Variants in XKR9 observed in about 807,000 individuals in gnomAD.
XKR9 encodes XK related 9.
A neutral mutation model predicts 32.0 loss-of-function variants in XKR9; 32 were observed. The ratio of observed to expected loss-of-function variants is 1.00; its 90% confidence interval spans 0.76 to 1.34. XKR9 has a LOEUF of 1.34. Ranked by LOEUF, XKR9 falls within the 40% of genes most tolerant of loss-of-function variation. The pLI, the probability that XKR9 is intolerant of heterozygous loss-of-function variation, is 0.00. For missense variants in XKR9, 546 were observed against 429.7 expected, an observed-to-expected ratio of 1.27 and a Z score of -2.39; for synonymous variants, 168 against 143.4, an observed-to-expected ratio of 1.17 and a Z score of -1.22.
chr8:70,949,470 CTT>C, the XKR9 span, among the ~76,000 whole-genome samples: 2 of 151,434 alleles, frequency 1.3e-5, no homozygotes, highest in African/African-American at 4.8e-5. Context: ...TATATTAAAT[CTT>C]AATATAAATT....
the XKR9 span, among the ~76,000 whole-genome samples, chr8:71,022,424 T>C: frequency 6.6e-6 from 1 of 152,168 alleles, no homozygotes; most frequent in African/African-American, 2.4e-5. Flanking sequence ...AGGTTTTTTT[T>C]CAGAATTTTA....
intron 4 of XKR9, among the ~76,000 whole-genome samples, chr8:70,711,083 A>G (rs1805904097): frequency 6.6e-6 from 1 of 152,232 alleles, no homozygotes; most frequent in Non-Finnish European, 1.5e-5. Flanking sequence ...ATACCCTTGC[A>G]CATCAATCAG....
the XKR9 span, among the ~76,000 whole-genome samples, chr8:70,832,760 A>G: frequency 2.0e-5 from 3 of 152,224 alleles, no homozygotes; most frequent in Non-Finnish European, 4.4e-5. Context: ...TAACTTGCTC[A>G]AGGTCACAGA....
At chr8:71,030,526 AC>A in the XKR9 span, among the ~76,000 whole-genome samples, 1 of 152,222 alleles carries the variant, frequency 6.6e-6, no homozygotes, top group Non-Finnish European at 1.5e-5. Flanking sequence ...GTCTGAAAGA[AC>A]AAAACTTTCC....
intron 2 of XKR9, among the ~76,000 whole-genome samples, chr8:70,742,354 G>C (rs933192491): frequency 3.9e-5 from 6 of 152,326 alleles, no homozygotes; most frequent in African/African-American, 1.4e-4. Context: ...GTTTCTGCAT[G>C]TTTGGTGTAT....
the XKR9 span, among the ~76,000 whole-genome samples, chr8:70,950,858 G>C: frequency 1.3e-5 from 2 of 152,130 alleles, no homozygotes; most frequent in East Asian, 3.9e-4. Context: ...ATTTTTAGTA[G>C]AGATGGAGTT....
chr8:71,042,123 C>G, the XKR9 span, among the ~76,000 whole-genome samples: 77 of 152,228 alleles, frequency 5.1e-4, no homozygotes, highest in Non-Finnish European at 8.1e-4. Flanking sequence ...ACTTGCTTGT[C>G]CAGATGATGC....
At chr8:70,994,265 C>T in the XKR9 span, among the ~76,000 whole-genome samples, 1 of 152,046 alleles carries the variant, frequency 6.6e-6, no homozygotes, top group African/African-American at 2.4e-5. Flanking sequence ...TTCTGACTTC[C>T]TTTAAGATTT....
chr8:70,889,908 T>A, the XKR9 span, among the ~76,000 whole-genome samples: 1 of 152,036 alleles, frequency 6.6e-6, no homozygotes, highest in African/African-American at 2.4e-5. Context: ...TTTGGTAGAA[T>A]AATTTATTTT....
chr8:70,712,333 CA>C (rs1225382569), intron 4 of XKR9, among the ~76,000 whole-genome samples: 1 of 151,892 alleles, frequency 6.6e-6, no homozygotes, highest in East Asian at 1.9e-4. Flanking sequence ...TCTGATAAAA[CA>C]GGCCAAAATA....
chr8:70,687,713 C>G (rs1819353300), intron 3 of XKR9, among the ~76,000 whole-genome samples: 1 of 152,082 alleles, frequency 6.6e-6, no homozygotes, highest in South Asian at 2.1e-4. Context: ...TTGTCTTTTA[C>G]TAAAGGATTA....
In XKR9 at chr8:70,754,448, C is replaced by T. The variant is rs529805636; in HGVS notation, n.353-34891C>T. ...TCATATGAAACCATAAAAGAGCCCG[C>T]ATCGCCAAGTCAATCCTAAGCCAAA... On this transcript the variant is annotated intron_variant and non_coding_transcript_variant, in intron 2 of 3. Coordinates refer to the XKR9 transcript ENST00000520273. Among the ~76,000 whole-genome samples, 129 of 129,330 alleles carry T rather than the reference C, an allele frequency of 1.0e-3. 13 individuals are homozygous for T. Among genetic ancestry groups the T allele is most frequent in the Non-Finnish European group, 1.8e-3 (104 of 56,258 alleles). The allele number at this position is 129,330 out of a possible 152,430, so 84.8% of individuals were successfully genotyped here.
chr8:70,700,301 C>A (rs1036454081), intron 3 of XKR9, among the ~76,000 whole-genome samples: 10 of 148,524 alleles, frequency 6.7e-5, no homozygotes, highest in South Asian at 2.1e-4. Context: ...TTTTTTCCCC[C>A]TCTTTGTGGT....
intron 3 of XKR9, among the ~76,000 whole-genome samples, chr8:70,705,619 A>G (rs1336750876): frequency 6.6e-6 from 1 of 152,108 alleles, no homozygotes; most frequent in African/African-American, 2.4e-5. Context: ...ATGGAAAGGT[A>G]GTTGTGGTGG....
chr8:70,767,504 T>TTTTG (rs1431366217), intron 2 of XKR9, among the ~76,000 whole-genome samples: 2 of 141,742 alleles, frequency 1.4e-5, no homozygotes, highest in Non-Finnish European at 3.1e-5. Flanking sequence ...TTCTTTTTTT[T>TTTTG]TTTTTTTTTT....
the XKR9 span, among the ~76,000 whole-genome samples, chr8:70,891,571 T>G: frequency 6.6e-6 from 1 of 152,074 alleles, no homozygotes; most frequent in Non-Finnish European, 1.5e-5. Flanking sequence ...AGCACATTGT[T>G]TAATTTTTAT....
the XKR9 span, among the ~76,000 whole-genome samples, chr8:70,848,054 G>C: frequency 1.3e-5 from 2 of 152,140 alleles, no homozygotes; most frequent in South Asian, 4.1e-4. Flanking sequence ...GAAATTAGAT[G>C]CAAAAATTCT....
At chr8:70,813,886 G>A in the XKR9 span, among the ~76,000 whole-genome samples, 4 of 152,260 alleles carry the variant, frequency 2.6e-5, no homozygotes, top group South Asian at 8.3e-4. Flanking sequence ...TCAGTGTGGC[G>A]ATTCCTCAGG....
the XKR9 span, among the ~76,000 whole-genome samples, chr8:70,880,074 GC>G: frequency 9.2e-5 from 14 of 152,130 alleles, no homozygotes; most frequent in African/African-American, 3.4e-4. Flanking sequence ...AAATTCAACA[GC>G]TTTTCATGCT....
Sources: allele counts gnomAD v4.1 joint callset (sites outside exome capture counted in the v4.1 genomes callset), GRCh38; gene constraint gnomAD v4.1.1; transcripts MANE v1.5; gene names NCBI Gene and HGNC (gene_info 2026-07-23, HGNC 2026-07-21).